Variants in ARK2C observed in about 807,000 individuals in gnomAD.
ARK2C encodes the protein arkadia (RNF111) C-terminal like ring finger ubiquitin ligase 2C.
chr18:46,386,249 G>A, the ARK2C span: 9 of 152,200 alleles, frequency 5.9e-5, no homozygotes, highest in Non-Finnish European at 1.2e-4. Context: ...ACAAAGATCT[G>A]TAGACTGTCC....
the ARK2C span, among the ~76,000 whole-genome samples, chr18:46,382,538 C>G: frequency 6.6e-6 from 1 of 152,302 alleles, no homozygotes; most frequent in East Asian, 1.9e-4. Flanking sequence ...TTTCTCACTG[C>G]TTATTTTACT....
the ARK2C span, chr18:46,336,902 A>T: frequency 1.0e-6 from 1 of 985,422 alleles, no homozygotes; most frequent in African/African-American, 1.7e-5. Flanking sequence ...TCTTTGATGA[A>T]ATGACAGTTG....
the ARK2C span, chr18:46,334,296 T>C: frequency 6.3e-7 from 1 of 1,581,346 alleles, no homozygotes; most frequent in Non-Finnish European, 8.6e-7. This position sits in a 1 kb window ranked among gnomAD's most constrained non-coding sequence, Gnocchi z 4.4. Flanking sequence ...CCACGTCGGC[T>C]ATCTCGTGCT....
At chr18:46,379,105 T>C in the ARK2C span, among the ~76,000 whole-genome samples, 2 of 152,214 alleles carry the variant, frequency 1.3e-5, no homozygotes, top group Non-Finnish European at 2.9e-5. Context: ...AAGGGAAGGC[T>C]TGGGGGCCTC....
At chr18:46,417,416 C>T in the ARK2C span, among the ~76,000 whole-genome samples, 9 of 152,350 alleles carry the variant, frequency 5.9e-5, no homozygotes, top group Non-Finnish European at 1.3e-4. Flanking sequence ...TCAAGCCTCC[C>T]GAAGTTTCTC....
the ARK2C span, among the ~76,000 whole-genome samples, chr18:46,395,586 G>T: frequency 1.3e-5 from 2 of 152,172 alleles, no homozygotes; most frequent in Non-Finnish European, 2.9e-5. Flanking sequence ...ATCTACAGCA[G>T]CTGGGACTCA....
At chr18:46,396,701 A>ATG in the ARK2C span, among the ~76,000 whole-genome samples, 1 of 152,308 alleles carries the variant, frequency 6.6e-6, no homozygotes, top group Middle Eastern at 3.4e-3. Context: ...ACCATGAACC[A>ATG]AAGCTTAGGC....
chr18:46,393,687 C>T, the ARK2C span, among the ~76,000 whole-genome samples: 1 of 152,194 alleles, frequency 6.6e-6, no homozygotes, highest in Admixed American at 6.5e-5. Flanking sequence ...ACCTTCCACC[C>T]AGGGAAGTCA....
At chr18:46,402,482 A>G in the ARK2C span, among the ~76,000 whole-genome samples, 1 of 152,174 alleles carries the variant, frequency 6.6e-6, no homozygotes, top group Non-Finnish European at 1.5e-5. Context: ...TTCTTGTGTA[A>G]AATTCCACTT....
chr18:46,380,028 A>G, the ARK2C span, among the ~76,000 whole-genome samples: 1 of 152,130 alleles, frequency 6.6e-6, no homozygotes, highest in Non-Finnish European at 1.5e-5. Flanking sequence ...ATCCCTCCCA[A>G]CTATTAGCCT....
At chr18:46,411,524 G>T in the ARK2C span, among the ~76,000 whole-genome samples, 1 of 152,160 alleles carries the variant, frequency 6.6e-6, no homozygotes, top group East Asian at 1.9e-4. Flanking sequence ...ACATACATTT[G>T]GTAAGTTCCT....
At chr18:46,367,464 G>T in the ARK2C span, among the ~76,000 whole-genome samples, 1 of 152,092 alleles carries the variant, frequency 6.6e-6, no homozygotes, top group African/African-American at 2.4e-5. Flanking sequence ...AGTGGCTCTG[G>T]TTCTGTTCAT....
At chr18:46,370,281 A>G in the ARK2C span, among the ~76,000 whole-genome samples, 2 of 152,228 alleles carry the variant, frequency 1.3e-5, no homozygotes, top group East Asian at 3.8e-4. Flanking sequence ...CGTTATTCCC[A>G]TTTTACAGAT....
the ARK2C span, chr18:46,386,042 T>C: frequency 2.6e-5 from 4 of 152,228 alleles, no homozygotes; most frequent in African/African-American, 9.7e-5. Flanking sequence ...CTTTCTCAGC[T>C]GTTTTGCCAA....
chr18:46,340,307 G>A, the ARK2C span, among the ~76,000 whole-genome samples: 1 of 152,212 alleles, frequency 6.6e-6, no homozygotes, highest in African/African-American at 2.4e-5. Context: ...AGAACCAAAA[G>A]CAAACCCTTA....
the ARK2C span, among the ~76,000 whole-genome samples, chr18:46,426,286 G>T: frequency 2.6e-5 from 4 of 152,312 alleles, no homozygotes; most frequent in African/African-American, 2.4e-5. Context: ...GAGTGTCCCA[G>T]GCAAGGCAGT....
the ARK2C span, among the ~76,000 whole-genome samples, chr18:46,429,516 AG>A: frequency 6.6e-6 from 1 of 152,212 alleles, no homozygotes; most frequent in South Asian, 2.1e-4. Context: ...ATATTGTGGA[AG>A]AAATGTCCTT....
chr18:46,337,017 A>G, the ARK2C span: 8 of 985,318 alleles, frequency 8.1e-6, no homozygotes, highest in African/African-American at 3.5e-5. Context: ...TGTCAAGAGC[A>G]TCTTTGGACA....
the ARK2C span, among the ~76,000 whole-genome samples, chr18:46,430,890 G>A: frequency 2.0e-5 from 3 of 152,044 alleles, no homozygotes; most frequent in African/African-American, 7.3e-5. Flanking sequence ...TCTGTTCCTC[G>A]AGTTCATTGT....
Sources: gnomAD v4.1 joint callset for allele counts (sites outside exome capture counted in the v4.1 genomes callset) on GRCh38, gnomAD v4.1.1 for gene constraint, Gnocchi (gnomAD v3.1) non-coding constraint, MANE v1.5 for transcripts, NCBI Gene and HGNC (gene_info 2026-07-23, HGNC 2026-07-21) for gene names.